MGAT5: variants seen among roughly 807,000 people sequenced by gnomAD.
MGAT5 encodes the protein alpha-1,6-mannosylglycoprotein 6-beta-N-acetylglucosaminyltransferase, also known as alpha-1,6-mannosylglycoprotein 6-beta-N-acetylglucosaminyltransferase A.
MGAT5 carries 30 observed loss-of-function variants against 94.3 expected under a neutral mutation model. The observed-to-expected ratio is 0.32, with a 90% CI of 0.24 to 0.43. MGAT5 has a LOEUF of 0.43. Ranked by LOEUF, MGAT5 falls within the 20% of genes least tolerant of loss-of-function variation. The pLI is 1.00. For synonymous variants in MGAT5, 310 were observed against 322.9 expected (o/e 0.96, Z 0.43); for missense variants, 691 against 905.5 (o/e 0.76, Z 3.04).
intron 4 of MGAT5, among the ~76,000 whole-genome samples, chr2:134,323,290 A>G (rs1326627888): frequency 6.6e-6 from 1 of 152,118 alleles, no homozygotes; most frequent in Non-Finnish European, 1.5e-5. Context: ...GCCTTTCTTT[A>G]GAGGTGGGAC....
At chr2:134,230,104 C>A (rs151057098) in intron 1 of MGAT5, among the ~76,000 whole-genome samples, 2 of 152,138 alleles carry the variant, frequency 1.3e-5, no homozygotes, top group Non-Finnish European at 2.9e-5. Flanking sequence ...GGTTTCATGG[C>A]GGATAATTTT....
chr2:134,284,581 T>C (rs1324983295), intron 2 of MGAT5, among the ~76,000 whole-genome samples: 1 of 138,368 alleles, frequency 7.2e-6, no homozygotes, highest in Non-Finnish European at 1.5e-5. Context: ...GTTCATAAAA[T>C]AGAGCAAAAA....
chr2:134,393,204 A>C (rs1486265591), intron 10 of MGAT5, among the ~76,000 whole-genome samples: 1 of 152,240 alleles, frequency 6.6e-6, no homozygotes. Context: ...ACTGGAATAA[A>C]AACACAGATT....
intron 1 of MGAT5, among the ~76,000 whole-genome samples, chr2:134,122,157 T>C (rs1573694762): frequency 6.6e-6 from 1 of 151,776 alleles, no homozygotes; most frequent in Admixed American, 6.6e-5. Flanking sequence ...CAGGCTGGAG[T>C]GCAATGGTGC....
At chr2:134,194,816 G>A (rs982105975) in intron 1 of MGAT5, among the ~76,000 whole-genome samples, 1 of 152,146 alleles carries the variant, frequency 6.6e-6, no homozygotes, top group Non-Finnish European at 1.5e-5. Context: ...AGGCCCTGGT[G>A]GAATATCTTC....
At chr2:134,383,813 C>T (rs1177066028) in intron 10 of MGAT5, among the ~76,000 whole-genome samples, 1 of 151,796 alleles carries the variant, frequency 6.6e-6, no homozygotes, top group Non-Finnish European at 1.5e-5. Context: ...ACACCATTCT[C>T]CTGCCTCAGG....
chr2:134,122,948 C>G (rs1213909215), intron 1 of MGAT5, among the ~76,000 whole-genome samples: 1 of 152,214 alleles, frequency 6.6e-6, no homozygotes, highest in Non-Finnish European at 1.5e-5. Flanking sequence ...GTGTGCATTT[C>G]AAGTGCTTTG....
At chr2:134,320,441 C>G (rs777732050) in intron 4 of MGAT5, among the ~76,000 whole-genome samples, 15 of 151,858 alleles carry the variant, frequency 9.9e-5, no homozygotes, top group Non-Finnish European at 2.2e-4. Flanking sequence ...TAAGGATATC[C>G]ATTTCACCTA....
chr2:134,349,885 A>G lies in MGAT5; in HGVS notation c.1193A>G (p.Lys398Arg), dbSNP rs199733445. Residue 398 changes from lysine to arginine, a missense_variant, in exon 9 of 16, where the codon AAG becomes AGG. This residue lies in a region of MGAT5 where 121 missense variants were observed against 206.1 expected (regional missense o/e 0.59). Transcript: ENST00000281923. ...AATTATGCCCAATCGAAAGGCCACA[A>G]GACCCCTTGGGGAAAATGGAATCTG... ...HANYAQSKGH[K>R]TPWGKWNLNP... The G allele has an allele frequency of 1.9e-6, 3 of 1,613,562 alleles. No homozygotes were observed. Among genetic ancestry groups the G allele is most frequent in the Non-Finnish European group, 2.5e-6 (3 of 1,179,662 alleles).
At chr2:134,434,680 A>G (rs1013718184) in intron 14 of MGAT5, among the ~76,000 whole-genome samples, 1 of 152,078 alleles carries the variant, frequency 6.6e-6, no homozygotes, top group Non-Finnish European at 1.5e-5. Context: ...ACTTCCATAC[A>G]GCCTACAAAA....
intron 1 of MGAT5, among the ~76,000 whole-genome samples, chr2:134,129,931 G>A (rs539096029): frequency 6.6e-6 from 1 of 152,206 alleles, no homozygotes; most frequent in Non-Finnish European, 1.5e-5. Flanking sequence ...TGCTTGCGGG[G>A]AGGTGTGGAG....
chr2:134,238,009 A>G (rs1198732428), intron 1 of MGAT5, among the ~76,000 whole-genome samples: 2 of 152,038 alleles, frequency 1.3e-5, no homozygotes, highest in African/African-American at 4.8e-5. Context: ...TTGACCTCCC[A>G]AAGTGCTGGG....
chr2:134,347,732 C>T (rs1689006366), intron 8 of MGAT5, among the ~76,000 whole-genome samples: 2 of 152,240 alleles, frequency 1.3e-5, no homozygotes, highest in South Asian at 4.1e-4. Context: ...CTTGAGTATC[C>T]TTGGATTTTG....
At chr2:134,263,072 C>G (rs1683440649) in intron 1 of MGAT5, among the ~76,000 whole-genome samples, 1 of 152,210 alleles carries the variant, frequency 6.6e-6, no homozygotes, top group Non-Finnish European at 1.5e-5. Flanking sequence ...CATGGTACAG[C>G]AAGCAGGAAG....
At chr2:134,356,481 G>A (rs1679750180) in intron 9 of MGAT5, among the ~76,000 whole-genome samples, 1 of 152,146 alleles carries the variant, frequency 6.6e-6, no homozygotes, top group Non-Finnish European at 1.5e-5. Context: ...TGAACAGTGT[G>A]TGTTTCCTGA....
chr2:134,316,716 G>A (rs552778440), intron 2 of MGAT5, among the ~76,000 whole-genome samples: 1 of 152,198 alleles, frequency 6.6e-6, no homozygotes, highest in South Asian at 2.1e-4. Flanking sequence ...CTAGACAGGA[G>A]GAATAAGCTC....
chr2:134,263,380 T>C (rs1683463395), intron 1 of MGAT5, among the ~76,000 whole-genome samples: 1 of 152,196 alleles, frequency 6.6e-6, no homozygotes, highest in Non-Finnish European at 1.5e-5. Flanking sequence ...AATGACACCC[T>C]CTGCAACACC....
chr2:134,265,152 G>A (rs1683632640), intron 1 of MGAT5, among the ~76,000 whole-genome samples: 1 of 152,130 alleles, frequency 6.6e-6, no homozygotes, highest in Non-Finnish European at 1.5e-5. Flanking sequence ...AAAATGGGGT[G>A]GTGGACAGCA....
chr2:134,288,688 G>A (rs531529870), intron 2 of MGAT5, among the ~76,000 whole-genome samples: 1 of 152,300 alleles, frequency 6.6e-6, no homozygotes, highest in South Asian at 2.1e-4. Context: ...GACAGTGGCA[G>A]TCATCTTCCT....
Sources: allele counts gnomAD v4.1 joint callset (sites outside exome capture counted in the v4.1 genomes callset), GRCh38; gene constraint gnomAD v4.1.1; regional missense constraint gnomAD v4.1.1; transcripts MANE v1.5; gene names NCBI Gene and HGNC (gene_info 2026-07-23, HGNC 2026-07-21).